The following SULT4A1 variants were observed in gnomAD, a reference collection of about 807,000 sequenced individuals.
SULT4A1 encodes sulfotransferase family 4A member 1.
A neutral mutation model predicts 35.2 loss-of-function variants in SULT4A1; 11 were observed. The observed-to-expected ratio is 0.31, with a 90% CI of 0.20 to 0.52. SULT4A1 has a LOEUF of 0.52. Ranked by LOEUF, SULT4A1 falls within the 20% of genes least tolerant of loss-of-function variation. The pLI, the probability that SULT4A1 is intolerant of heterozygous loss-of-function variation, is 0.97. For missense variants in SULT4A1, 271 were observed against 383.7 expected, an observed-to-expected ratio of 0.71 and a Z score of 2.45; for synonymous variants, 152 against 151.8, an observed-to-expected ratio of 1.00 and a Z score of -0.01.
Position 43,826,454 on chromosome 22 carries a change from G to A in SULT4A1, c.743-341C>T, listed in dbSNP as rs960372113. ...GTGCTGGGTCCCCAGCACCTAGAAC[G>A]GCACCTGGCACGTGGCAGGTGTTTA... On this transcript the variant is annotated intron_variant, in intron 6 of 6. Coordinates refer to ENST00000330884, the MANE Select transcript of SULT4A1 (RefSeq NM_014351.4). 2.1e-5 allele frequency: 21 copies of A among 985,068 alleles called. No homozygotes were observed. In the Admixed American group the frequency reaches 3.7e-4, roughly 17 times the overall value. The allele number at this position is 985,068 out of a possible 1,614,324, so 61.0% of individuals were successfully genotyped here. A position where few individuals can be genotyped will look rare whatever the true frequency, so the allele number is the denominator to read the frequency against.
chr22:43,846,483 G>C (rs1441219427), intron 1 of SULT4A1, among the ~76,000 whole-genome samples: 4 of 152,236 alleles, frequency 2.6e-5, no homozygotes, highest in Non-Finnish European at 5.9e-5. Flanking sequence ...GACAAACGCT[G>C]GTTGCTGCAT....
intron 6 of SULT4A1, among the ~76,000 whole-genome samples, chr22:43,828,237 A>C (rs1486677784): frequency 6.6e-6 from 1 of 152,192 alleles, no homozygotes; most frequent in Non-Finnish European, 1.5e-5. Flanking sequence ...CAACACACCA[A>C]GTGTCCATCA....
chr22:43,848,912 GC>G (rs2063493407), intron 1 of SULT4A1, among the ~76,000 whole-genome samples: 1 of 152,228 alleles, frequency 6.6e-6, no homozygotes, highest in African/African-American at 2.4e-5. Context: ...AGTGACTCGA[GC>G]CAAACGCTCT....
chr22:43,853,557 C>T (rs890342899), intron 1 of SULT4A1, among the ~76,000 whole-genome samples: 4 of 152,236 alleles, frequency 2.6e-5, no homozygotes, highest in Non-Finnish European at 4.4e-5. Context: ...CTGGGTTCCA[C>T]AGTCAGGCCT....
chr22:43,834,092 G>A (rs2063345865), intron 4 of SULT4A1, among the ~76,000 whole-genome samples: 1 of 152,152 alleles, frequency 6.6e-6, no homozygotes, highest in South Asian at 2.1e-4. Context: ...GGGCCGCTAG[G>A]GTTGCTAGTG....
chr22:43,848,539 C>G (rs919162253), intron 1 of SULT4A1, among the ~76,000 whole-genome samples: 1 of 152,226 alleles, frequency 6.6e-6, no homozygotes, highest in East Asian at 1.9e-4. Context: ...CAAGCACTGC[C>G]CTTACTGACA....
At chr22:43,826,263 G>A in intron 6 of SULT4A1, 150 bp from the exon 7 acceptor site, 2 of 1,451,218 alleles carry the variant, frequency 1.4e-6, no homozygotes, top group Admixed American at 2.8e-5. Flanking sequence ...GGCCGTCTGA[G>A]CTACAGACCA....
chr22:43,862,392 G>C lies in SULT4A1; in HGVS notation c.-10C>G. 7.8e-7 allele frequency: 1 copy of C among 1,276,318 alleles called. No homozygotes were observed. The highest frequency in any genetic ancestry group is 1.0e-6 in the Non-Finnish European group (1 of 991,630). 79.1% of individuals were successfully genotyped at this position (1,276,318 alleles called of 1,614,324 possible). On this transcript the variant is annotated 5_prime_UTR_variant, in exon 1 of 7. Transcript: ENST00000330884. Reference sequence around the variant, plus strand: ...CCTCGCTCTCCGCCATGCCGCCGCCGTCGCCGTCGCCGCCGCCGCCTCCCG... The same window carrying C: ...CCTCGCTCTCCGCCATGCCGCCGCCCTCGCCGTCGCCGCCGCCGCCTCCCG...
chr22:43,846,293 G>A (rs771894822), intron 1 of SULT4A1, among the ~76,000 whole-genome samples: 5 of 152,194 alleles, frequency 3.3e-5, no homozygotes, highest in Non-Finnish European at 5.9e-5. Flanking sequence ...ACTAACTCCC[G>A]TCCCTCGCCC....
chr22:43,858,947 T>G (rs956626582), intron 1 of SULT4A1, among the ~76,000 whole-genome samples: 25 of 152,240 alleles, frequency 1.6e-4, no homozygotes, highest in Middle Eastern at 3.4e-3. Context: ...TCTCCCGAGA[T>G]CCTCCTCTTC....
chr22:43,851,324 C>A (rs978233254), intron 1 of SULT4A1, among the ~76,000 whole-genome samples: 1 of 152,144 alleles, frequency 6.6e-6, no homozygotes, highest in Non-Finnish European at 1.5e-5. Flanking sequence ...TGGTGTTATT[C>A]TGGGTTTTTA....
chr22:43,838,417 T>G (rs1569503517), intron 4 of SULT4A1, among the ~76,000 whole-genome samples: 1 of 151,952 alleles, frequency 6.6e-6, no homozygotes, highest in Non-Finnish European at 1.5e-5. Flanking sequence ...GGCACAAGTG[T>G]GCCCTGCCCC....
chr22:43,849,023 C>T (rs2063494086), intron 1 of SULT4A1, among the ~76,000 whole-genome samples: 1 of 152,232 alleles, frequency 6.6e-6, no homozygotes, highest in African/African-American at 2.4e-5. Flanking sequence ...ATCAATACCC[C>T]CTGCAGCAGC....
At position 43,841,865 on chromosome 22, in the gene SULT4A1, C is replaced by T; in HGVS notation, c.237G>A (p.Leu79=). 6.2e-7 allele frequency: 1 copy of T among 1,613,990 alleles called. No homozygotes were observed. Among genetic ancestry groups the T allele is most frequent in the Non-Finnish European group, 8.5e-7 (1 of 1,179,922 alleles). The change falls in exon 2 of 7, where the codon TTG becomes TTA. Residue 79 remains leucine (L), a synonymous_variant. Transcript: ENST00000330884. ...SQGADPDEIG[L]MNIDEQLPVL... is the part of the protein sequence containing the mutation. ...CCGGGAGCTGCTCGTCGATGTTCAT[C>T]AAGCCGATCTCATCGGGGTCAGCGC...
chr22:43,830,699 G>A (rs2063319123), intron 5 of SULT4A1, among the ~76,000 whole-genome samples: 1 of 152,216 alleles, frequency 6.6e-6, no homozygotes, highest in Non-Finnish European at 1.5e-5. Flanking sequence ...GATGACTGAG[G>A]ATGAAGTGGG....
In SULT4A1 at chr22:43,833,754, G is replaced by A; in HGVS notation, c.509-20C>T. 1 of 1,555,724 alleles carries A rather than the reference G, an allele frequency of 6.4e-7. No individual in the cohort carries two copies. Among genetic ancestry groups the A allele is most frequent in the Non-Finnish European group, 8.7e-7 (1 of 1,148,768 alleles). On this transcript the variant is annotated intron_variant, in intron 4 of 6. Transcript: ENST00000330884. ...AGCCCACTGCGGAGACAGGGGACAGGGTGAGCCACACGGCTGGGCAGGAGA... is the reference window on the plus strand; with the variant it reads ...AGCCCACTGCGGAGACAGGGGACAGAGTGAGCCACACGGCTGGGCAGGAGA...
In SULT4A1 at chr22:43,829,129, C is replaced by T. The variant is rs779364979; in HGVS notation, c.673G>A (p.Ala225Thr). Residue 225 changes from alanine (A) to threonine (T), a missense_variant, in exon 6 of 7, where the codon GCC becomes ACC. Transcript: ENST00000330884. ...GVSCDKAQLE[A>T]LTEHCHQLVD... is the part of the protein sequence containing the mutation. ...AGCTGGTGGCAGTGCTCCGTCAGGG[C>T]TTCCAGCTGGGCCTTGTCACAGGAC... The T allele has an allele frequency of 7.1e-6, 11 of 1,559,500 alleles. No individual in the cohort carries two copies. The African/African-American group carries it at 1.5e-4, about 21-fold the overall frequency.
chr22:43,826,469 G>A (rs916871032), intron 6 of SULT4A1: 1 of 985,130 alleles, frequency 1.0e-6, no homozygotes, highest in African/African-American at 1.7e-5. Context: ...CTGGCACGTG[G>A]CAGGTGTTTA....
intron 1 of SULT4A1, among the ~76,000 whole-genome samples, chr22:43,858,282 C>T (rs2049426404): frequency 6.6e-6 from 1 of 152,152 alleles, no homozygotes; most frequent in African/African-American, 2.4e-5. Context: ...CCAGGGCCAA[C>T]TACTCAGGAG....
Sources: allele counts gnomAD v4.1 joint callset (sites outside exome capture counted in the v4.1 genomes callset), GRCh38; gene constraint gnomAD v4.1.1; transcripts MANE v1.5; gene names NCBI Gene and HGNC (gene_info 2026-07-23, HGNC 2026-07-21).